RHOT1: variants seen among roughly 807,000 people sequenced by gnomAD.
RHOT1 encodes ras homolog family member T1.
A neutral mutation model predicts 95.3 loss-of-function variants in RHOT1; 27 were observed. The observed-to-expected ratio is 0.28, with a 90% CI of 0.21 to 0.39. The LOEUF (loss-of-function observed/expected upper bound fraction) is 0.39, where lower values mean the gene tolerates loss of function less well. Among genes scored for constraint, RHOT1 ranks in the 10% least tolerant of loss-of-function variants. The pLI, the probability that RHOT1 is intolerant of heterozygous loss-of-function variation, is 1.00. For missense variants in RHOT1, 578 were observed against 786.7 expected, an observed-to-expected ratio of 0.73 and a Z score of 3.17; for synonymous variants, 227 against 263.5, an observed-to-expected ratio of 0.86 and a Z score of 1.34.
intron 1 of RHOT1, among the ~76,000 whole-genome samples, chr17:32,158,635 T>C (rs536786157): frequency 6.6e-6 from 1 of 152,208 alleles, no homozygotes; most frequent in East Asian, 1.9e-4. Flanking sequence ...AATTTTTGTA[T>C]TTTTAGTAGA....
At chr17:32,154,999 A>G (rs1215283114) in intron 1 of RHOT1, among the ~76,000 whole-genome samples, 1 of 151,756 alleles carries the variant, frequency 6.6e-6, no homozygotes, top group Non-Finnish European at 1.5e-5. Flanking sequence ...CAGGAGGATC[A>G]CCTGGGGCCA....
intron 1 of RHOT1, among the ~76,000 whole-genome samples, chr17:32,146,899 A>ATTTTTT (rs71144808): frequency 1.0e-5 from 1 of 98,028 alleles, no homozygotes; most frequent in African/African-American, 4.4e-5. Flanking sequence ...ATTTTTGTAA[A>ATTTTTT]TTTTTTTTTT....
At chr17:32,194,562 C>T (rs564279531) in intron 11 of RHOT1, among the ~76,000 whole-genome samples, 3 of 152,282 alleles carry the variant, frequency 2.0e-5, no homozygotes, top group South Asian at 4.1e-4. Context: ...AAATTATCCC[C>T]AGTTGAGAAC....
chr17:32,160,746 G>A (rs985811981), intron 1 of RHOT1, among the ~76,000 whole-genome samples: 6 of 152,180 alleles, frequency 3.9e-5, no homozygotes, highest in Admixed American at 6.5e-5. Flanking sequence ...AGCAGCAGCC[G>A]GCGTGCCTGG....
chr17:32,207,863 A>C (rs1283274612), intron 17 of RHOT1, among the ~76,000 whole-genome samples: 2 of 152,112 alleles, frequency 1.3e-5, no homozygotes, highest in East Asian at 3.8e-4. Flanking sequence ...TGTTTTTTTT[A>C]ATTGTAATAA....
chr17:32,163,026 G>A (rs2033706326), intron 1 of RHOT1, among the ~76,000 whole-genome samples: 1 of 152,114 alleles, frequency 6.6e-6, no homozygotes, highest in African/African-American at 2.4e-5. Flanking sequence ...AAATTGAGTG[G>A]GGGATAGTGG....
At chr17:32,184,508 T>C (rs1468576494) in intron 8 of RHOT1, among the ~76,000 whole-genome samples, 1 of 152,114 alleles carries the variant, frequency 6.6e-6, no homozygotes, top group Non-Finnish European at 1.5e-5. Context: ...TTTTATTTTT[T>C]GAGGCAGAGT....
chr17:32,175,616 C>G (rs2034938818), intron 4 of RHOT1, among the ~76,000 whole-genome samples: 2 of 152,114 alleles, frequency 1.3e-5, no homozygotes, highest in African/African-American at 4.8e-5. Flanking sequence ...ACCACCATGC[C>G]CAGCTAATTT....
chr17:32,165,018 AAAAAC>A (rs1202206813), intron 1 of RHOT1, among the ~76,000 whole-genome samples: 1 of 151,566 alleles, frequency 6.6e-6, no homozygotes, highest in African/African-American at 2.4e-5. Flanking sequence ...CAGCAAAACA[AAAAAC>A]AAAAAAACAA....
In RHOT1 at chr17:32,200,977, A is replaced by G; in HGVS notation, c.1122A>G (p.Val374=). ...SQWTLTTYLD[V]QRCLEYLGYL... is the part of the protein sequence containing the mutation. ...ATAGGCTCACGACTTATTTAGATGT[A>G]CAGCGGTGCCTGGAATATTTGGGCT... Residue 374 remains valine, a synonymous_variant, in exon 14 of 20, where the codon GTA becomes GTG. Coordinates refer to ENST00000545287, the MANE Select transcript of RHOT1 (RefSeq NM_001033566.3). 1 of 1,611,932 alleles carries G rather than the reference A, an allele frequency of 6.2e-7. No homozygotes were observed. The highest frequency in any genetic ancestry group is 8.5e-7 in the Non-Finnish European group (1 of 1,178,494).
intron 1 of RHOT1, among the ~76,000 whole-genome samples, chr17:32,170,568 C>T (rs761272207): frequency 2.0e-5 from 3 of 152,168 alleles, no homozygotes; most frequent in Non-Finnish European, 4.4e-5. Flanking sequence ...TAACCATCAC[C>T]ACTATCTGTA....
At chr17:32,197,335 TCTC>T (rs558543298) in intron 11 of RHOT1, among the ~76,000 whole-genome samples, 24 of 151,118 alleles carry the variant, frequency 1.6e-4, no homozygotes, top group Non-Finnish European at 3.1e-4. Context: ...TTCAATCACT[TCTC>T]CTGCCTCAGC....
intron 17 of RHOT1, 51 bp from the exon 18 acceptor site, chr17:32,208,056 A>G (rs2037877081): frequency 2.7e-6 from 4 of 1,488,318 alleles, no homozygotes; most frequent in Non-Finnish European, 2.8e-6. Context: ...TTAATTAAAT[A>G]GTAATTTTTG....
Position 32,176,211 on chromosome 17 carries a change from C to T in RHOT1, c.327C>T (p.Ser109=). 3 of 1,606,172 alleles carry T rather than the reference C, an allele frequency of 1.9e-6. No individual in the cohort carries two copies. Among genetic ancestry groups the T allele is most frequent in the Non-Finnish European group, 2.5e-6 (3 of 1,176,940 alleles). Residue 109 remains serine, a splice_region_variant and synonymous_variant, in exon 6 of 20, where the codon AGC becomes AGT. Coordinates refer to ENST00000545287, the MANE Select transcript of RHOT1 (RefSeq NM_001033566.3). ...PLINERTDKD[S]RLPLILVGNK... ...TAAATGAAAGAACAGACAAAGACAG[C>T]AGGTATTTTTTCCTCTCTCAAACTT...
In RHOT1 at chr17:32,163,166, T is replaced by G. The variant is rs558038813; in HGVS notation, c.38-7877T>G. Among the ~76,000 whole-genome samples the G allele has an allele frequency of 4.6e-5, 7 of 152,030 alleles. No homozygotes were observed. The East Asian group carries it at 1.2e-3, about 25-fold the overall frequency. On this transcript the variant is annotated intron_variant, in intron 1 of 19. Coordinates refer to ENST00000545287, the MANE Select transcript of RHOT1 (RefSeq NM_001033566.3). ...GCGTTTGATCAGGTGAGTCAGAAAA[T>G]GAAAAGAGCATGTAAGAAAAATGGA...
intron 19 of RHOT1, among the ~76,000 whole-genome samples, chr17:32,219,929 C>G (rs2038721307): frequency 6.6e-6 from 1 of 152,146 alleles, no homozygotes; most frequent in East Asian, 1.9e-4. Context: ...TTTGATATAT[C>G]ACTAGGTTAG....
intron 8 of RHOT1, among the ~76,000 whole-genome samples, chr17:32,187,032 A>T (rs919481237): frequency 5.9e-5 from 9 of 151,834 alleles, no homozygotes; most frequent in African/African-American, 2.2e-4. Context: ...CATGCCTGTA[A>T]TCCCAGCACT....
chr17:32,154,586 CAAA>C (rs1022159247), intron 1 of RHOT1, among the ~76,000 whole-genome samples: 5 of 61,742 alleles, frequency 8.1e-5, no homozygotes, highest in Admixed American at 2.0e-4. Flanking sequence ...GGCTCCATCT[CAAA>C]AAAAAAAAAA....
chr17:32,220,705 G>A, intron 19 of RHOT1, among the ~76,000 whole-genome samples: 1 of 150,772 alleles, frequency 6.6e-6, no homozygotes. Flanking sequence ...GCATGGTGGT[G>A]CACGCCTGTA....
Sources: gnomAD v4.1 joint callset for allele counts (sites outside exome capture counted in the v4.1 genomes callset) on GRCh38, gnomAD v4.1.1 for gene constraint, MANE v1.5 for transcripts, NCBI Gene and HGNC (gene_info 2026-07-23, HGNC 2026-07-21) for gene names.